GTF2I: variants seen among roughly 807,000 people sequenced by gnomAD.
GTF2I encodes general transcription factor IIi, also known as general transcription factor II-I.
GTF2I carries 12 observed loss-of-function variants against 67.6 expected under a neutral mutation model. The observed-to-expected ratio is 0.18, with a 90% confidence interval of 0.11 to 0.29. The LOEUF is 0.29. Ranked by LOEUF, GTF2I falls within the 10% of genes least tolerant of loss-of-function variation. The probability of loss-of-function intolerance (pLI) is 1.00; values close to 1 mark genes in which losing one functional copy is unlikely to be tolerated. For missense variants in GTF2I, 271 were observed against 580.1 expected (o/e 0.47, Z 5.47); for synonymous variants, 149 against 197.0 (o/e 0.76, Z 2.04).
At chr7:74,697,259 G>T (rs1158401565) in intron 3 of GTF2I, among the ~76,000 whole-genome samples, 1 of 151,964 alleles carries the variant, frequency 6.6e-6, no homozygotes, top group East Asian at 1.9e-4. Context: ...GCTGGGAGTG[G>T]TGGCGCGCAC....
rs181126901 is a variant in GTF2I, at chr7:74,680,341, T to C, written c.-5-8783T>C. On this transcript the variant is annotated intron_variant, in intron 1 of 34. Coordinates refer to ENST00000573035, the MANE Select transcript of GTF2I (RefSeq NM_032999.4). ...AATGTATTGAAAGTTCAGAAGTATCTCAGAGAACAGCATCATAAAAAATAT... is the reference window on the plus strand; with the variant it reads ...AATGTATTGAAAGTTCAGAAGTATCCCAGAGAACAGCATCATAAAAAATAT... 5.5e-3 allele frequency among the ~76,000 whole-genome samples: 832 copies of C among 151,760 alleles called. 9 individuals carry two copies. The highest frequency in any genetic ancestry group is 0.018 in the African/African-American group (737 of 41,426).
intron 1 of GTF2I, chr7:74,684,533 GC>G (rs1465899194): frequency 6.6e-6 from 1 of 152,316 alleles, no homozygotes; most frequent in Non-Finnish European, 1.5e-5. Flanking sequence ...AGAAAAGAGA[GC>G]CGTCCCCAAG....
At chr7:74,668,404 A>C (rs1805177337) in intron 1 of GTF2I, among the ~76,000 whole-genome samples, 1 of 151,398 alleles carries the variant, frequency 6.6e-6, no homozygotes, top group South Asian at 2.1e-4. Context: ...GGAGAAGTGG[A>C]GCATGATGAA....
rs962132622 is a variant in GTF2I, at chr7:74,672,841, G to T, written c.-6+14773G>T. ...AATATCGACAACAATGACATTTTTT[G>T]AGAGTTTATGAGTTTACTGTTTTGT... On this transcript the variant is annotated intron_variant, in intron 1 of 34. Coordinates refer to ENST00000573035, the MANE Select transcript of GTF2I (RefSeq NM_032999.4). Among the ~76,000 whole-genome samples the T allele has an allele frequency of 7.2e-5, 11 of 152,182 alleles. 1 individual carries two copies. The East Asian group carries it at 1.9e-3, about 27-fold the overall frequency.
intron 12 of GTF2I, among the ~76,000 whole-genome samples, chr7:74,724,480 G>A (rs971969364): frequency 7.9e-5 from 12 of 152,162 alleles, no homozygotes; most frequent in African/African-American, 2.7e-4. Context: ...AGGTGTATTC[G>A]TTAATATGTT....
chr7:74,710,166 A>G (rs1554402247), intron 8 of GTF2I, among the ~76,000 whole-genome samples: 1 of 152,166 alleles, frequency 6.6e-6, no homozygotes, highest in Non-Finnish European at 1.5e-5. Flanking sequence ...TACCCTTTGT[A>G]TATCAATTTA....
intron 3 of GTF2I, among the ~76,000 whole-genome samples, chr7:74,693,601 C>CT (rs1312533635): frequency 3.3e-5 from 5 of 151,972 alleles, no homozygotes; most frequent in African/African-American, 2.4e-5. Flanking sequence ...CATCCTAGCA[C>CT]TTTGGGAGGC....
intron 6 of GTF2I, among the ~76,000 whole-genome samples, chr7:74,704,204 G>T (rs1435334652): frequency 6.6e-6 from 1 of 151,632 alleles, no homozygotes; most frequent in Non-Finnish European, 1.5e-5. Flanking sequence ...TTAAGATGGA[G>T]AAATATTTAT....
intron 11 of GTF2I, 116 bp downstream of exon 11, chr7:74,717,066 A>T (rs1201806498): frequency 1.4e-6 from 2 of 1,408,980 alleles, no homozygotes; most frequent in African/African-American, 2.9e-5. Context: ...TTCCCTTGGT[A>T]TGCCTTCCTA....
chr7:74,672,331 A>G (rs1805534533), intron 1 of GTF2I, among the ~76,000 whole-genome samples: 1 of 151,904 alleles, frequency 6.6e-6, no homozygotes, highest in South Asian at 2.1e-4. Context: ...GCCTGGGCTC[A>G]GGAGTTTGAG....
In GTF2I at chr7:74,711,033, C is replaced by G. The variant is rs782483207; in HGVS notation, c.687C>G (p.Gly229=). The change falls in exon 9 of 35, where the codon GGC becomes GGG. Residue 229 remains glycine, a splice_region_variant and synonymous_variant. Coordinates refer to ENST00000573035, the MANE Select transcript of GTF2I (RefSeq NM_032999.4). The stretch of plus-strand genomic sequence containing the variant: ...ATATCATTGCATTTGCTTTTCTAGG[C>G]ATTTCCCTGGAAATGGCAGCTGTGA... ...KVKTEPTEDS[G]ISLEMAAVTV... 4.6e-6 allele frequency: 7 copies of G among 1,505,790 alleles called. No individual in the cohort carries two copies. In the Middle Eastern group the frequency reaches 6.1e-4, roughly 130 times the overall value. The allele number at this position is 1,505,790 out of a possible 1,614,324, so 93.3% of individuals were successfully genotyped here.
chr7:74,662,491 T>C (rs1554387008), intron 1 of GTF2I, among the ~76,000 whole-genome samples: 1 of 134,908 alleles, frequency 7.4e-6, no homozygotes, highest in Non-Finnish European at 1.6e-5. Context: ...ATTACAGGCG[T>C]GAGCCACTGC....
chr7:74,721,675 A>G (rs1554404652), intron 12 of GTF2I, among the ~76,000 whole-genome samples: 1 of 152,154 alleles, frequency 6.6e-6, no homozygotes, highest in South Asian at 2.1e-4. Context: ...TCTGGTTAAT[A>G]ATGTGTATCA....
At chr7:74,678,051 G>GTCTC (rs1180507419) in intron 1 of GTF2I, among the ~76,000 whole-genome samples, 4 of 150,016 alleles carry the variant, frequency 2.7e-5, no homozygotes, top group African/African-American at 9.8e-5. Context: ...ATTTCTGTCT[G>GTCTC]TCTCTCTCTC....
chr7:74,700,663 C>G, intron 6 of GTF2I, 29 bp downstream of exon 6: 1 of 1,606,242 alleles, frequency 6.2e-7, no homozygotes, highest in Non-Finnish European at 8.5e-7. Context: ...TCCTTGATAG[C>G]TGGCTGGCCT....
intron 11 of GTF2I, 61 bp from the exon 12 acceptor site, chr7:74,718,817 GT>G: frequency 1.2e-6 from 1 of 815,334 alleles, no homozygotes; most frequent in Non-Finnish European, 2.0e-6. Context: ...TCAGTAAAAT[GT>G]TGGAACATAT....
chr7:74,732,623 T>A lies in GTF2I; in HGVS notation c.1265T>A (p.Ile422Lys). The part of the protein sequence containing the change: ...STYGIPRLER[I>K]LLAKERIRFV... Reference sequence around the variant, plus strand: ...TACGGAATTCCTCGCCTGGAGAGGATATTACTTGCAAAGGAAAGGATTCGT... The same window carrying A: ...TACGGAATTCCTCGCCTGGAGAGGAAATTACTTGCAAAGGAAAGGATTCGT... Residue 422 changes from isoleucine to lysine, a missense_variant, in exon 15 of 35, where the codon ATA (isoleucine) becomes AAA (lysine). Around this residue, in one of 9 missense-constraint regions of GTF2I, gnomAD observed 0 missense variants for 40.6 expected, o/e 0.00. Transcript: ENST00000573035. 6.3e-7 allele frequency: 1 copy of A among 1,581,150 alleles called. No homozygotes were observed. The highest frequency in any genetic ancestry group is 2.3e-5 in the East Asian group (1 of 44,390).
chr7:74,681,478 G>C, intron 1 of GTF2I, among the ~76,000 whole-genome samples: 1 of 152,002 alleles, frequency 6.6e-6, no homozygotes, highest in African/African-American at 2.4e-5. Context: ...TGGGAAAGAA[G>C]GCATACCAGG....
intron 12 of GTF2I, among the ~76,000 whole-genome samples, chr7:74,721,375 A>T (rs1792969450): frequency 6.6e-6 from 1 of 152,190 alleles, no homozygotes; most frequent in Admixed American, 6.5e-5. Context: ...TTGTGCCATA[A>T]GCCTGATTTA....
Sources: gnomAD v4.1 joint callset for allele counts (sites outside exome capture counted in the v4.1 genomes callset) on GRCh38, gnomAD v4.1.1 for gene constraint, gnomAD v4.1.1 regional missense constraint, MANE v1.5 for transcripts, NCBI Gene and HGNC (gene_info 2026-07-23, HGNC 2026-07-21) for gene names.